Variants in DPP9 observed in about 807,000 individuals in gnomAD.
DPP9 encodes the protein dipeptidyl peptidase IV-related protein-2.
Under a neutral mutation model 110.7 loss-of-function variants are expected in DPP9, and 50 were observed. The observed-to-expected ratio is 0.45, with a 90% CI of 0.36 to 0.57. The LOEUF is 0.57. Among genes scored for constraint, DPP9 ranks in the 20% least tolerant of loss-of-function variants. DPP9 has a pLI of 0.00. For synonymous variants in DPP9, 561 were observed against 514.4 expected, an observed-to-expected ratio of 1.09 and a Z score of -1.23; for missense variants, 1,022 against 1,217.9, an observed-to-expected ratio of 0.84 and a Z score of 2.39.
At position 4,697,594 on chromosome 19, in the gene DPP9, C is replaced by T; in HGVS notation, c.1132G>A (p.Val378Met). 1 of 1,613,944 alleles carries T rather than the reference C, an allele frequency of 6.2e-7. No individual in the cohort carries two copies. Among genetic ancestry groups the T allele is most frequent in the Non-Finnish European group, 8.5e-7 (1 of 1,179,882 alleles). The change falls in exon 11 of 22, where the codon GTG (valine) becomes ATG (methionine). Residue 378 changes from valine to methionine, a missense_variant. Transcript: ENST00000262960. ...VQPFSSLFPK[V>M]EYIARAGWTR... The stretch of plus-strand genomic sequence containing the variant: ...CACCCGGCCCTGGCGATGTACTCCA[C>T]CTTCGGGAACAGCGAGCTGAAGGGC...
chr19:4,682,950 G>A lies in DPP9; in HGVS notation c.2332-112C>T, dbSNP rs1204521544. ...GGCCGCCCTGGAGCCCGTGAGGAGC[G>A]CTCATGCACATGGGGCCGGCAAGGA... On this transcript the variant is annotated intron_variant, in intron 19 of 21. Coordinates refer to ENST00000262960, the MANE Select transcript of DPP9 (RefSeq NM_139159.5). The surrounding 1 kb of genome is among the most constrained non-coding windows in gnomAD (Gnocchi z 7.1). 15 of 1,534,430 alleles carry A rather than the reference G, an allele frequency of 9.8e-6. No homozygotes were observed. Among genetic ancestry groups the A allele is most frequent in the Admixed American group, 2.0e-5 (1 of 50,944 alleles).
In DPP9 at chr19:4,683,495, G is replaced by A; in HGVS notation, c.2313C>T (p.His771=). The change falls in exon 19 of 22, where the codon CAC becomes CAT. Residue 771 remains histidine, a synonymous_variant. Transcript: ENST00000262960. The part of the protein sequence containing the change: ...GGFLSLMGLI[H]KPQVFKVAIA... ...GACCCACCTTGAACACCTGGGGCTT[G>A]TGGATTAGCCCCATGAGCGAGAGGA... The A allele has an allele frequency of 1.2e-6, 2 of 1,613,158 alleles. No individual in the cohort carries two copies. The highest frequency in any genetic ancestry group is 1.7e-6 in the Non-Finnish European group (2 of 1,179,864).
Position 4,698,272 on chromosome 19 carries a change from T to C in DPP9, c.1075-621A>G, listed in dbSNP as rs80050690. Among the ~76,000 whole-genome samples the C allele has an allele frequency of 4.7e-4, 71 of 152,252 alleles. No individual in the cohort carries two copies. The highest frequency in any genetic ancestry group is 1.6e-3 in the African/African-American group (67 of 41,554). ...ATTGAGAGATAGGGGACCTGAGCCT[T>C]CCTCGTGTCTAAATGGGGCTGGCAC... On this transcript the variant is annotated intron_variant, in intron 10 of 21. Coordinates refer to ENST00000262960, the MANE Select transcript of DPP9 (RefSeq NM_139159.5). This position sits in a 1 kb window ranked among gnomAD's most constrained non-coding sequence, Gnocchi z 4.2.
chr19:4,720,567 T>C (rs1333673411), intron 2 of DPP9, among the ~76,000 whole-genome samples: 2 of 152,140 alleles, frequency 1.3e-5, no homozygotes, highest in African/African-American at 4.8e-5. Context: ...GCCTGGACCA[T>C]AATTCCAGTT....
chr19:4,699,812 T>C (rs1040343576), intron 10 of DPP9, among the ~76,000 whole-genome samples: 22 of 152,282 alleles, frequency 1.4e-4, no homozygotes, highest in Non-Finnish European at 2.2e-4. Context: ...CCGTCCGAAG[T>C]TGGGGTCCCC....
In DPP9 at chr19:4,710,822, C is replaced by T. The variant is rs1286813125; in HGVS notation, c.313+3259G>A. Among the ~76,000 whole-genome samples the T allele has an allele frequency of 6.6e-6, 1 of 152,016 alleles. No homozygotes were observed. The highest frequency in any genetic ancestry group is 2.4e-5 in the African/African-American group (1 of 41,386). On this transcript the variant is annotated intron_variant, in intron 4 of 21. Transcript: ENST00000262960. The surrounding 1 kb of genome is among the most constrained non-coding windows in gnomAD (Gnocchi z 5.6). ...GGAGTCGTTGAAGGGTGAATTTCAC[C>T]CCGAAAGGGGCAGTCTGGTTTTTGA...
In DPP9 at chr19:4,722,747, G is replaced by A. The variant is rs1356640578; in HGVS notation, c.-88-196C>T. ...GGAGAGAAGCCATCCCACGGGCCCCGATTCCCCTGGGACCCAGCAGAGGAA... is the reference window on the plus strand; with the variant it reads ...GGAGAGAAGCCATCCCACGGGCCCCAATTCCCCTGGGACCCAGCAGAGGAA... On this transcript the variant is annotated intron_variant, in intron 1 of 21. Coordinates refer to ENST00000262960, the MANE Select transcript of DPP9 (RefSeq NM_139159.5). 4 of 578,372 alleles carry A rather than the reference G, an allele frequency of 6.9e-6. No individual in the cohort carries two copies. The Admixed American group carries it at 8.8e-5, about 13-fold the overall frequency. 35.8% of individuals were successfully genotyped at this position (578,372 alleles called of 1,614,324 possible). A position where few individuals can be genotyped will look rare whatever the true frequency, so the allele number is the denominator to read the frequency against.
In DPP9 at chr19:4,704,533, G is replaced by T. The variant is rs994761155; in HGVS notation, c.427-229C>A. Among the ~76,000 whole-genome samples, 9 of 152,152 alleles carry T rather than the reference G, an allele frequency of 5.9e-5. No individual in the cohort carries two copies. Among genetic ancestry groups the T allele is most frequent in the African/African-American group, 1.9e-4 (8 of 41,450 alleles). On this transcript the variant is annotated intron_variant, in intron 5 of 21. Transcript: ENST00000262960. This position sits in a 1 kb window ranked among gnomAD's most constrained non-coding sequence, Gnocchi z 6.0. The stretch of plus-strand genomic sequence containing the variant: ...CAGGACTGGCTGAGTGTCCTAGGAG[G>T]TGGCAGGGGAGACTCTGGGGCCAGA...
In DPP9 at chr19:4,695,622, C is replaced by T. The variant is rs954598012; in HGVS notation, c.1176-67G>A. Reference sequence around the variant, plus strand: ...AGCCTCAGTGGCCTGCACAGAGAAGCTGGGGACGCAGCGTCCAAACCCGTG... The same window carrying T: ...AGCCTCAGTGGCCTGCACAGAGAAGTTGGGGACGCAGCGTCCAAACCCGTG... On this transcript the variant is annotated intron_variant, in intron 11 of 21. Transcript: ENST00000262960. This position sits in a 1 kb window ranked among gnomAD's most constrained non-coding sequence, Gnocchi z 4.7. 1 of 1,347,468 alleles carries T rather than the reference C, an allele frequency of 7.4e-7. No homozygotes were observed. The highest frequency in any genetic ancestry group is 2.9e-5 in the East Asian group (1 of 34,786). The allele number at this position is 1,347,468 out of a possible 1,614,324, so 83.5% of individuals were successfully genotyped here.
intron 21 of DPP9, among the ~76,000 whole-genome samples, chr19:4,677,558 C>T (rs2089050086): frequency 6.6e-6 from 1 of 152,204 alleles, no homozygotes; most frequent in Non-Finnish European, 1.5e-5. Context: ...TTCTTTAATC[C>T]ATCCCTGGAT....
At chr19:4,711,082 C>G (rs10416977) in intron 4 of DPP9, among the ~76,000 whole-genome samples, 116,822 of 152,120 alleles carry the variant, frequency 0.77, 45,578 homozygotes, top group African/African-American at 0.87. Flanking sequence ...GAATCCCAGG[C>G]GCTGTGGAGG....
rs374343835 is a variant in DPP9, at chr19:4,714,268, G to A, written c.126C>T (p.Asp42=). The part of the protein sequence containing the change: ...TTGTPTADRG[D]AAATDDPAAR... ...CGGCCGGGTCATCTGTGGCGGCTGCGTCGCCTCGGTCGGCCGTTGGGGTCC... is the reference window on the plus strand; with the variant it reads ...CGGCCGGGTCATCTGTGGCGGCTGCATCGCCTCGGTCGGCCGTTGGGGTCC... The change falls in exon 4 of 22, where the codon GAC becomes GAT. Residue 42 remains aspartate (D), a synonymous_variant. Coordinates refer to ENST00000262960, the MANE Select transcript of DPP9 (RefSeq NM_139159.5). The A allele has an allele frequency of 1.3e-3, 2,069 of 1,560,938 alleles. 4 individuals are homozygous for A. Among genetic ancestry groups the A allele is most frequent in the Non-Finnish European group, 1.6e-3 (1,806 of 1,155,762 alleles).
At chr19:4,690,073 A>G (rs886645118) in intron 14 of DPP9, among the ~76,000 whole-genome samples, 1 of 152,182 alleles carries the variant, frequency 6.6e-6, no homozygotes, top group Non-Finnish European at 1.5e-5. Context: ...GGCTCAGGGA[A>G]ACCCGGCAGT....
chr19:4,722,467 C>T, intron 2 of DPP9, 32 bp downstream of exon 2: 2 of 702,802 alleles, frequency 2.8e-6, no homozygotes, highest in Non-Finnish European at 5.2e-6. Context: ...ACACCCCAGC[C>T]TTCCTGGCTG....
rs752129974 is a variant in DPP9 at position 4,689,734 on chromosome 19, CAG to C, written c.1597-14_1597-13del. The C allele has an allele frequency of 2.4e-5, 37 of 1,542,318 alleles. No homozygotes were observed. Among genetic ancestry groups the C allele is most frequent in the East Asian group, 1.5e-4 (6 of 40,558 alleles). On this transcript the variant is annotated splice_polypyrimidine_tract_variant and intron_variant, in intron 14 of 21. Transcript: ENST00000262960. The surrounding 1 kb of genome is among the most constrained non-coding windows in gnomAD (Gnocchi z 7.0). The stretch of plus-strand genomic sequence containing the variant: ...TCATTGACCCAGATCTGCAGGGGGA[CAG>C]GGGATCCTCGTGATGCGTCCCAGAT...
At chr19:4,699,678 G>A (rs2092095962) in intron 10 of DPP9, among the ~76,000 whole-genome samples, 2 of 152,056 alleles carry the variant, frequency 1.3e-5, no homozygotes, top group South Asian at 4.2e-4. Context: ...AGGTGATGAG[G>A]ACCCTGTGTA....
rs774925863 is a variant in DPP9, at chr19:4,695,554, C to T, written c.1177G>A (p.Ala393Thr). Residue 393 changes from alanine to threonine, a missense_variant and splice_region_variant, in exon 12 of 22, where the codon GCC (alanine) becomes ACC (threonine). Around this residue, in one of 3 missense-constraint regions of DPP9, gnomAD observed 810 missense variants for 920.6 expected, o/e 0.88. Coordinates refer to ENST00000262960, the MANE Select transcript of DPP9 (RefSeq NM_139159.5). This position sits in a 1 kb window ranked among gnomAD's most constrained non-coding sequence, Gnocchi z 4.7. ...RAGWTRDGKY[A>T]WAMFLDRPQQ... ...GGCCGGTCCAGGAACATGGCCCAGGCGCTAAGGGGGAAGATGCGGGGGAAG... is the reference window on the plus strand; with the variant it reads ...GGCCGGTCCAGGAACATGGCCCAGGTGCTAAGGGGGAAGATGCGGGGGAAG... 2.7e-6 allele frequency: 4 copies of T among 1,459,018 alleles called. No individual in the cohort carries two copies. The highest frequency in any genetic ancestry group is 1.8e-6 in the Non-Finnish European group (2 of 1,106,216). The allele number at this position is 1,459,018 out of a possible 1,614,324, so 90.4% of individuals were successfully genotyped here.
rs1202483997 is a variant in DPP9, at chr19:4,695,909, A to C, written c.1176-354T>G. 1.3e-5 allele frequency among the ~76,000 whole-genome samples: 2 copies of C among 151,958 alleles called. No individual in the cohort carries two copies. The highest frequency in any genetic ancestry group is 2.4e-5 in the African/African-American group (1 of 41,352). ...CTTTATTTTATTTATTTATTTCTTT[A>C]TTTAATTTTTTGAGACAGAGTTTCA... is the stretch of plus-strand genomic sequence containing the variant. On this transcript the variant is annotated intron_variant, in intron 11 of 21. Transcript: ENST00000262960. This position sits in a 1 kb window ranked among gnomAD's most constrained non-coding sequence, Gnocchi z 4.7.
chr19:4,691,129 A>T (rs1267130679), intron 13 of DPP9, among the ~76,000 whole-genome samples, 172 bp from the exon 14 acceptor site: 1 of 152,170 alleles, frequency 6.6e-6, no homozygotes, highest in Non-Finnish European at 1.5e-5. Flanking sequence ...CCACATGGGC[A>T]AGGAAGCCTG....
Sources: allele counts gnomAD v4.1 joint callset (sites outside exome capture counted in the v4.1 genomes callset), GRCh38; gene constraint gnomAD v4.1.1; regional missense constraint gnomAD v4.1.1; non-coding constraint Gnocchi (gnomAD v3.1); transcripts MANE v1.5; gene names NCBI Gene and HGNC (gene_info 2026-07-23, HGNC 2026-07-21).